The following CLEC2B variants were observed in gnomAD, a reference collection of about 807,000 sequenced individuals.
CLEC2B encodes the protein C-type (calcium dependent, carbohydrate-recognition domain) lectin, superfamily member 2 (activation-induced).
A neutral mutation model predicts 16.2 loss-of-function variants in CLEC2B; 14 were observed. The observed-to-expected ratio is 0.86, with a 90% CI of 0.57 to 1.35. The LOEUF is 1.35. Among genes scored for constraint, CLEC2B ranks in the 40% most tolerant of loss-of-function variants. CLEC2B has a pLI of 0.00. For missense variants in CLEC2B, 166 were observed against 182.3 expected, an observed-to-expected ratio of 0.91 and a Z score of 0.52; for synonymous variants, 42 against 55.8, an observed-to-expected ratio of 0.75 and a Z score of 1.10.
In CLEC2B at chr12:9,852,746, T is replaced by C. The variant is rs1363310741; in HGVS notation, c.*554A>G. Among the ~76,000 whole-genome samples, 1 of 152,114 alleles carries C rather than the reference T, an allele frequency of 6.6e-6. No individual in the cohort carries two copies. The highest frequency in any genetic ancestry group is 1.5e-5 in the Non-Finnish European group (1 of 68,014). Reference sequence around the variant, plus strand: ...TGTGATCTCCTCCTCACCTTCACTCTTAAAGCCCCACCCCCCTTTGTTTTG... The same window carrying C: ...TGTGATCTCCTCCTCACCTTCACTCCTAAAGCCCCACCCCCCTTTGTTTTG... On this transcript the variant is annotated 3_prime_UTR_variant, in exon 5 of 5. Transcript: ENST00000228438.
intron 1 of CLEC2B, among the ~76,000 whole-genome samples, chr12:9,867,674 C>T (rs1402585418): frequency 1.3e-5 from 2 of 152,066 alleles, no homozygotes; most frequent in East Asian, 3.8e-4. Context: ...GTTGTTGAGC[C>T]TTCTTAACGT....
intron 2 of CLEC2B, among the ~76,000 whole-genome samples, chr12:9,860,723 A>C (rs1867926886): frequency 6.6e-6 from 1 of 151,924 alleles, no homozygotes; most frequent in Non-Finnish European, 1.5e-5. Context: ...ATTATAAACC[A>C]ACAGTATTGA....
chr12:9,857,615 C>T lies in CLEC2B; in HGVS notation c.96G>A (p.Gln32=), dbSNP rs1441288192. Reference sequence around the variant, plus strand: ...CAATCCAATCATAGGGGCATAAACTCTGAGAATCTCGAGTTAGTTTAACTG... The same window carrying T: ...CAATCCAATCATAGGGGCATAAACTTTGAGAATCTCGAGTTAGTTTAACTG... ...TLIVKLTRDS[Q]SLCPYDWIGF... is the part of the protein sequence containing the mutation. Residue 32 remains glutamine (Q), a synonymous_variant, in exon 3 of 5, where the codon CAG becomes CAA. Transcript: ENST00000228438. The T allele has an allele frequency of 1.2e-6, 2 of 1,610,000 alleles. No homozygotes were observed. Among genetic ancestry groups the T allele is most frequent in the African/African-American group, 2.7e-5 (2 of 74,716 alleles).
At chr12:9,854,723 G>C (rs1004795013) in intron 3 of CLEC2B, 2 of 495,414 alleles carry the variant, frequency 4.0e-6, no homozygotes, top group Non-Finnish European at 7.1e-6. Context: ...ATTGATAAAT[G>C]TTCAATTTGA....
rs148563939 is a variant in CLEC2B at position 9,861,517 on chromosome 12, C to T, written c.73+982G>A. The stretch of plus-strand genomic sequence containing the variant: ...TAAAATACACTTAAGCTAATCTATG[C>T]GTATTCTGTGCTTAATAATTCTTCT... On this transcript the variant is annotated intron_variant, in intron 2 of 4. Transcript: ENST00000228438. Among the ~76,000 whole-genome samples, 413 of 152,180 alleles carry T rather than the reference C, an allele frequency of 2.7e-3. 3 individuals are homozygous for T. Among genetic ancestry groups the T allele is most frequent in the African/African-American group, 8.0e-3 (331 of 41,538 alleles).
At chr12:9,868,011 C>A (rs1867984769) in intron 1 of CLEC2B, among the ~76,000 whole-genome samples, 1 of 151,488 alleles carries the variant, frequency 6.6e-6, no homozygotes, top group Non-Finnish European at 1.5e-5. Flanking sequence ...TATATAAAAA[C>A]TGACTGAATT....
At chr12:9,866,956 T>C (rs1173135484) in intron 1 of CLEC2B, 1 of 152,156 alleles carries the variant, frequency 6.6e-6, no homozygotes, top group Non-Finnish European at 1.5e-5. Context: ...TGGCAAGGTA[T>C]TAGAGTATAA....
rs1867857980 is a variant in CLEC2B at position 9,853,057 on chromosome 12, A to AGAAG, written c.*242_*243insCTTC. The AGAAG allele has an allele frequency of 1.0e-5, 1 of 98,390 alleles. No homozygotes were observed. Among genetic ancestry groups the AGAAG allele is most frequent in the African/African-American group, 1.3e-4 (1 of 7,778 alleles). The allele number at this position is 98,390 out of a possible 1,614,324, so 6.1% of individuals were successfully genotyped here. A position where few individuals can be genotyped will look rare whatever the true frequency, so the allele number is the denominator to read the frequency against. ...AATTGTTTTCTGGTTTACAGTTAAA[A>AGAAG]AAAGAAAGAAAGAAAGAAAGAAAGA... On this transcript the variant is annotated 3_prime_UTR_variant, in exon 5 of 5. Coordinates refer to ENST00000228438, the MANE Select transcript of CLEC2B (RefSeq NM_005127.3).
intron 2 of CLEC2B, among the ~76,000 whole-genome samples, chr12:9,860,030 A>G (rs1867921775): frequency 6.6e-6 from 1 of 151,698 alleles, no homozygotes; most frequent in South Asian, 2.1e-4. Flanking sequence ...CTGATTAAGA[A>G]TATCTGCAAA....
chr12:9,854,619 G>T, intron 3 of CLEC2B, 135 bp from the exon 4 acceptor site: 1 of 554,240 alleles, frequency 1.8e-6, no homozygotes, highest in Non-Finnish European at 3.2e-6. Flanking sequence ...AAATAGCTAT[G>T]GAGTTTTGAA....
In CLEC2B at chr12:9,857,469, C is replaced by T; in HGVS notation, c.237+5G>A. ...TTCACAAAGAATGTATATTAAATTACTTACCATTTCTTCTATGTTGTCAAT... is the reference window on the plus strand; with the variant it reads ...TTCACAAAGAATGTATATTAAATTATTTACCATTTCTTCTATGTTGTCAAT... On this transcript the variant is annotated splice_donor_5th_base_variant and intron_variant, in intron 3 of 4. Coordinates refer to ENST00000228438, the MANE Select transcript of CLEC2B (RefSeq NM_005127.3). The T allele has an allele frequency of 6.3e-7, 1 of 1,593,840 alleles. No individual in the cohort carries two copies. The highest frequency in any genetic ancestry group is 8.6e-7 in the Non-Finnish European group (1 of 1,164,156).
chr12:9,868,395 A>C (rs548307812), intron 1 of CLEC2B, among the ~76,000 whole-genome samples: 27 of 152,198 alleles, frequency 1.8e-4, no homozygotes, highest in Middle Eastern at 3.4e-3. Flanking sequence ...TAAAGTGTGC[A>C]TTCTATTGTA....
At chr12:9,866,643 G>A (rs1867972050) in intron 1 of CLEC2B, among the ~76,000 whole-genome samples, 1 of 151,988 alleles carries the variant, frequency 6.6e-6, no homozygotes, top group South Asian at 2.1e-4. Context: ...GCAGCAAGTG[G>A]AAGTATTTTT....
chr12:9,864,187 C>A, intron 1 of CLEC2B, among the ~76,000 whole-genome samples: 1 of 146,318 alleles, frequency 6.8e-6, no homozygotes, highest in Non-Finnish European at 1.5e-5. Context: ...ACCCTGCCAT[C>A]TAAGAATACC....
At chr12:9,867,574 G>T (rs1159975139) in intron 1 of CLEC2B, among the ~76,000 whole-genome samples, 1 of 152,050 alleles carries the variant, frequency 6.6e-6, no homozygotes, top group Admixed American at 6.6e-5. Context: ...AGTGGCATTG[G>T]TAGAATGTGG....
intron 1 of CLEC2B, among the ~76,000 whole-genome samples, chr12:9,863,807 T>C (rs2136980860): frequency 6.6e-6 from 1 of 152,160 alleles, no homozygotes; most frequent in South Asian, 2.1e-4. Context: ...TGTAGAAAAT[T>C]ACTGCAAAAG....
chr12:9,862,430 G>T, intron 2 of CLEC2B, 69 bp downstream of exon 2: 1 of 1,306,006 alleles, frequency 7.7e-7, no homozygotes, highest in South Asian at 1.4e-5. Flanking sequence ...AAAAGATCAT[G>T]ACTGAGACAG....
intron 2 of CLEC2B, among the ~76,000 whole-genome samples, chr12:9,859,482 A>G (rs1207778106): frequency 6.6e-6 from 1 of 151,878 alleles, no homozygotes; most frequent in East Asian, 1.9e-4. Context: ...GAAGAACACA[A>G]TTTAACACAA....
chr12:9,866,358 G>C (rs1867970078), intron 1 of CLEC2B, among the ~76,000 whole-genome samples: 1 of 152,008 alleles, frequency 6.6e-6, no homozygotes, highest in Admixed American at 6.6e-5. Flanking sequence ...AGATGTTAGA[G>C]ATATCATGAT....
Sources: allele counts gnomAD v4.1 joint callset (sites outside exome capture counted in the v4.1 genomes callset), GRCh38; gene constraint gnomAD v4.1.1; transcripts MANE v1.5; gene names NCBI Gene and HGNC (gene_info 2026-07-23, HGNC 2026-07-21).